PTH2R: variants seen among roughly 807,000 people sequenced by gnomAD.
The protein encoded by PTH2R is parathyroid hormone 2 receptor.
PTH2R carries 59 observed loss-of-function variants against 60.3 expected under a neutral mutation model. The observed-to-expected ratio is 0.98, with a 90% CI of 0.79 to 1.22. The LOEUF (loss-of-function observed/expected upper bound fraction) is 1.22. Ranked by LOEUF, PTH2R falls within the 50% of genes most tolerant of loss-of-function variation. The pLI, the probability that PTH2R is intolerant of heterozygous loss-of-function variation, is 0.00. For synonymous variants in PTH2R, 256 were observed against 243.8 expected, an observed-to-expected ratio of 1.05 and a Z score of -0.47; for missense variants, 749 against 682.6, an observed-to-expected ratio of 1.10 and a Z score of -1.08.
At chr2:208,387,579 A>G (rs1014965948) in intron 1 of PTH2R, among the ~76,000 whole-genome samples, 1 of 152,222 alleles carries the variant, frequency 6.6e-6, no homozygotes, top group Non-Finnish European at 1.5e-5. Context: ...ATTTAACTAC[A>G]TTAGAAGTTA....
chr2:208,368,687 G>A lies in PTH2R; in HGVS notation c.-259+8450G>A, dbSNP rs573265390. On this transcript the variant is annotated intron_variant, in intron 1 of 12. Coordinates refer to the PTH2R transcript ENST00000617735. ...TCCTACCAATGTAAATATACCTGGTGAACCCATTCTGGACAATGGATATAT... is the reference window on the plus strand; with the variant it reads ...TCCTACCAATGTAAATATACCTGGTAAACCCATTCTGGACAATGGATATAT... Among the ~76,000 whole-genome samples the A allele has an allele frequency of 6.6e-5, 10 of 152,230 alleles. 3 individuals are homozygous for A. The highest frequency in any genetic ancestry group is 2.4e-4 in the African/African-American group (10 of 41,546).
At chr2:208,420,962 C>T (rs1025892632) in intron 1 of PTH2R, among the ~76,000 whole-genome samples, 1 of 152,180 alleles carries the variant, frequency 6.6e-6, no homozygotes, top group African/African-American at 2.4e-5. Flanking sequence ...CACCTGGCAA[C>T]TACTAATTGG....
chr2:208,362,825 C>T (rs1374747699), intron 1 of PTH2R, among the ~76,000 whole-genome samples: 1 of 128,234 alleles, frequency 7.8e-6, no homozygotes, highest in Non-Finnish European at 1.7e-5. Context: ...TACATCCATA[C>T]CAACACTTAT....
intron 7 of PTH2R, among the ~76,000 whole-genome samples, chr2:208,445,374 A>C (rs1478880502): frequency 6.6e-6 from 1 of 152,216 alleles, no homozygotes; most frequent in African/African-American, 2.4e-5. Flanking sequence ...ATGTGGACTT[A>C]CCATGTGTTT....
At chr2:208,402,853 A>G (rs1315374082), upstream of PTH2R, among the ~76,000 whole-genome samples, 1 of 152,236 alleles carries the variant, frequency 6.6e-6, no homozygotes, top group Admixed American at 6.5e-5. Context: ...GTGAAGTTCT[A>G]TGGAAATGCT....
chr2:208,414,140 A>G (rs1701594351), intron 1 of PTH2R, among the ~76,000 whole-genome samples: 1 of 152,006 alleles, frequency 6.6e-6, no homozygotes, highest in African/African-American at 2.4e-5. Flanking sequence ...TCTGTGCCCA[A>G]GCTGTCTTAT....
intron 8 of PTH2R, among the ~76,000 whole-genome samples, chr2:208,457,005 A>G (rs541524436): frequency 1.3e-5 from 2 of 152,324 alleles, no homozygotes; most frequent in South Asian, 4.1e-4. Flanking sequence ...TAGAGCCTGA[A>G]TTGTATAATT....
At chr2:208,405,961 G>C (rs1336345726), upstream of PTH2R, among the ~76,000 whole-genome samples, 3 of 152,186 alleles carry the variant, frequency 2.0e-5, no homozygotes, top group Admixed American at 6.5e-5. Context: ...CCTCCAGACT[G>C]TGAGAAATAA....
chr2:208,488,947 A>T, intron 10 of PTH2R, 65 bp from the exon 11 acceptor site: 1 of 1,578,742 alleles, frequency 6.3e-7, no homozygotes, highest in Non-Finnish European at 8.6e-7. Context: ...TTTTTCCTCC[A>T]GCACGCTGTC....
In PTH2R at chr2:208,407,054, TG is replaced by T; in HGVS notation, c.16del (p.Ala6ArgfsTer9). The part of the protein sequence containing the change: MAG[L>X]GASLHVWGWL... The stretch of plus-strand genomic sequence containing the variant: ...ACAGCCGTTCCGGGCATGGCCGGGC[TG>T]GGGGCGTCGCTCCACGTCTGGGGTT... On this transcript the variant is annotated frameshift_variant, in exon 1 of 13. Transcript: ENST00000272847. LOFTEE classifies it high-confidence loss of function. The T allele has an allele frequency of 2.2e-6, 3 of 1,394,356 alleles. No homozygotes were observed. The highest frequency in any genetic ancestry group is 3.8e-5 in the South Asian group (2 of 53,130). 86.4% of individuals were successfully genotyped at this position (1,394,356 alleles called of 1,614,324 possible).
chr2:208,408,853 A>G (rs571448304), intron 1 of PTH2R, among the ~76,000 whole-genome samples: 19 of 152,320 alleles, frequency 1.2e-4, no homozygotes, highest in African/African-American at 4.6e-4. Context: ...GAATACTTCT[A>G]TAACTTTAAA....
At chr2:208,393,498 G>C (rs529035555) in intron 1 of PTH2R, among the ~76,000 whole-genome samples, 1 of 152,188 alleles carries the variant, frequency 6.6e-6, no homozygotes, top group South Asian at 2.1e-4. Context: ...TTCCAATCAG[G>C]GTTGTCTACT....
intron 1 of PTH2R, among the ~76,000 whole-genome samples, chr2:208,393,126 C>G (rs914910425): frequency 1.2e-4 from 19 of 152,162 alleles, no homozygotes; most frequent in African/African-American, 4.6e-4. Context: ...ATTTCCTCTC[C>G]TTTTCTCAGG....
chr2:208,478,058 T>C (rs1703059383), intron 9 of PTH2R, among the ~76,000 whole-genome samples: 1 of 151,564 alleles, frequency 6.6e-6, no homozygotes, highest in African/African-American at 2.4e-5. Flanking sequence ...TTTTATTTCT[T>C]TTGCCTGGTA....
At chr2:208,397,578 G>C (rs898339673) in intron 1 of PTH2R, among the ~76,000 whole-genome samples, 1 of 152,132 alleles carries the variant, frequency 6.6e-6, no homozygotes, top group Non-Finnish European at 1.5e-5. Context: ...ATAGAGGTGG[G>C]GGGGCTCTAA....
At chr2:208,405,868 A>G (rs1701392378), upstream of PTH2R, among the ~76,000 whole-genome samples, 1 of 152,210 alleles carries the variant, frequency 6.6e-6, no homozygotes, top group Admixed American at 6.5e-5. Context: ...TGAGGTTGCA[A>G]TGAGAAGACA....
intron 1 of PTH2R, among the ~76,000 whole-genome samples, chr2:208,394,313 A>AG (rs1326046526): frequency 6.6e-6 from 1 of 152,190 alleles, no homozygotes; most frequent in Admixed American, 6.5e-5. Context: ...AATATACCCC[A>AG]GGGGGGTGCA....
chr2:208,423,589 G>A (rs565635059), intron 1 of PTH2R, among the ~76,000 whole-genome samples: 50 of 152,296 alleles, frequency 3.3e-4, no homozygotes, highest in Non-Finnish European at 6.2e-4. Context: ...GAAGCGTTCA[G>A]TAAATGTCTA....
intron 1 of PTH2R, among the ~76,000 whole-genome samples, chr2:208,421,578 A>G (rs1434941045): frequency 2.0e-5 from 3 of 152,306 alleles, no homozygotes; most frequent in Admixed American, 6.5e-5. Flanking sequence ...AGATTCCTTT[A>G]TTTTAAAGCA....
Sources: gnomAD v4.1 joint callset for allele counts (sites outside exome capture counted in the v4.1 genomes callset) on GRCh38, gnomAD v4.1.1 for gene constraint, MANE v1.5 for transcripts, NCBI Gene and HGNC (gene_info 2026-07-23, HGNC 2026-07-21) for gene names.